The following TRIP11 variants were observed in gnomAD, a reference collection of about 807,000 sequenced individuals.
TRIP11 encodes the protein thyroid receptor-interacting protein 11.
A neutral mutation model predicts 223.1 loss-of-function variants in TRIP11; 148 were observed. The ratio of observed to expected loss-of-function variants is 0.66; its 90% confidence interval spans 0.58 to 0.76. TRIP11 has a LOEUF of 0.76. TRIP11 is among the 30% of genes least tolerant of loss of function. The pLI is 0.00. For missense variants in TRIP11, 2,043 were observed against 2,222.0 expected, an observed-to-expected ratio of 0.92 and a Z score of 1.62; for synonymous variants, 762 against 772.6, an observed-to-expected ratio of 0.99 and a Z score of 0.23.
At chr14:91,975,110 T>C (rs2056447557) in intron 18 of TRIP11, 62 bp downstream of exon 18, 2 of 1,413,528 alleles carry the variant, frequency 1.4e-6, no homozygotes, top group Non-Finnish European at 2.0e-6. Flanking sequence ...AAGGAAGTAA[T>C]TGTCTACAAA....
Position 92,039,533 on chromosome 14 carries a change from G to A in TRIP11, c.139+14C>T. 1.9e-6 allele frequency: 3 copies of A among 1,612,960 alleles called. No individual in the cohort carries two copies. The highest frequency in any genetic ancestry group is 2.5e-6 in the Non-Finnish European group (3 of 1,179,642). The stretch of plus-strand genomic sequence containing the variant: ...TCTTAGAAAAGCCCTCCCTTCCCTC[G>A]CTCCAGCTGTTACCTTCCACTTCCT... On this transcript the variant is annotated intron_variant, in intron 1 of 20. Coordinates refer to ENST00000267622, the MANE Select transcript of TRIP11 (RefSeq NM_004239.4).
intron 13 of TRIP11, among the ~76,000 whole-genome samples, 172 bp from the exon 14 acceptor site, chr14:91,995,687 C>T (rs1358519960): frequency 6.6e-6 from 1 of 151,448 alleles, no homozygotes; most frequent in Non-Finnish European, 1.5e-5. Flanking sequence ...ACAATCTCAG[C>T]TCACTGCAAC....
At chr14:91,974,428 A>G (rs912323032) in intron 19 of TRIP11, among the ~76,000 whole-genome samples, 199 bp downstream of exon 19, 2 of 152,246 alleles carry the variant, frequency 1.3e-5, no homozygotes, top group Non-Finnish European at 2.9e-5. Context: ...GAGTTAAAAT[A>G]AAACCTATAT....
chr14:92,024,928 T>G (rs942919283), intron 3 of TRIP11, among the ~76,000 whole-genome samples: 3 of 152,332 alleles, frequency 2.0e-5, no homozygotes, highest in African/African-American at 7.2e-5. Context: ...AGCAATTATA[T>G]GTAAATTATC....
chr14:92,006,335 T>C lies in TRIP11; in HGVS notation c.1641A>G (p.Glu547=). The change falls in exon 11 of 21, where the codon GAA becomes GAG. Residue 547 remains glutamate, a synonymous_variant. Coordinates refer to ENST00000267622, the MANE Select transcript of TRIP11 (RefSeq NM_004239.4). ...NDEKKRVHQL[E]DDKMDITKEL... ...CTTTAGTAATGTCCATTTTATCATC[T>C]TCAAGTTGATGAACTCTCTTTTTTT... 1 of 1,611,324 alleles carries C rather than the reference T, an allele frequency of 6.2e-7. No individual in the cohort carries two copies. The highest frequency in any genetic ancestry group is 8.5e-7 in the Non-Finnish European group (1 of 1,178,922).
chr14:92,026,470 C>T, intron 2 of TRIP11: 3 of 767,666 alleles, frequency 3.9e-6, no homozygotes, highest in South Asian at 1.4e-5. Context: ...CCTCGTCCGC[C>T]TCCTTGCTCG....
chr14:92,013,375 A>G (rs2056997280), intron 7 of TRIP11, among the ~76,000 whole-genome samples: 1 of 152,230 alleles, frequency 6.6e-6, no homozygotes, highest in Non-Finnish European at 1.5e-5. Flanking sequence ...CTAAAACTAC[A>G]AGGAAGATAC....
intron 4 of TRIP11, among the ~76,000 whole-genome samples, chr14:92,019,946 G>T (rs2057088534): frequency 6.6e-6 from 1 of 152,128 alleles, no homozygotes; most frequent in Admixed American, 6.5e-5. Flanking sequence ...CCATCCTCAA[G>T]ATATCTCATT....
rs10150088 is a variant in TRIP11 at position 92,037,232 on chromosome 14, T to C, written c.139+2315A>G. Among the ~76,000 whole-genome samples, 68,770 of 151,984 alleles carry C rather than the reference T, an allele frequency of 0.45. 16,962 individuals are homozygous for C. The highest frequency in any genetic ancestry group is 0.66 in the African/African-American group (27,281 of 41,440). ...TATAAGGAGCAAAAAAATTCAGTCC[T>C]CACGCTGGGCATCAGGAAAACAGAT... On this transcript the variant is annotated intron_variant, in intron 1 of 20. Transcript: ENST00000267622. This position sits in a 1 kb window ranked among gnomAD's most constrained non-coding sequence, Gnocchi z 4.2.
At chr14:92,033,084 A>C in intron 2 of TRIP11, 108 bp downstream of exon 2, 1 of 809,352 alleles carries the variant, frequency 1.2e-6, no homozygotes, top group Non-Finnish European at 2.1e-6. Context: ...ACAAGAAGAG[A>C]AAAAAAGTGC....
At chr14:92,021,942 AT>A in intron 3 of TRIP11, 111 bp from the exon 4 acceptor site, 1 of 1,184,106 alleles carries the variant, frequency 8.4e-7, no homozygotes, top group Non-Finnish European at 1.2e-6. Context: ...AGATTATCCA[AT>A]GATGGTCCTC....
intron 16 of TRIP11, among the ~76,000 whole-genome samples, chr14:91,981,149 G>A (rs1248305524): frequency 1.3e-5 from 2 of 149,244 alleles, no homozygotes; most frequent in African/African-American, 4.9e-5. Context: ...GCGAGTAGCT[G>A]GGATAACAAG....
At chr14:92,021,464 T>C (rs2057113680) in intron 4 of TRIP11, 92 bp downstream of exon 4, 1 of 1,284,914 alleles carries the variant, frequency 7.8e-7, no homozygotes, top group Non-Finnish European at 1.1e-6. Context: ...TCCAGGGTTC[T>C]TTCTGATATC....
chr14:92,023,210 G>A (rs1223680775), intron 3 of TRIP11, among the ~76,000 whole-genome samples: 2 of 152,150 alleles, frequency 1.3e-5, no homozygotes, highest in African/African-American at 4.8e-5. Context: ...TCAACTGTGA[G>A]GTAGGCATCA....
At chr14:91,977,580 T>C (rs1042716649) in intron 16 of TRIP11, among the ~76,000 whole-genome samples, 6 of 152,078 alleles carry the variant, frequency 3.9e-5, no homozygotes, top group Non-Finnish European at 8.8e-5. Context: ...ATTCCCACTG[T>C]AAGAATTCTG....
In TRIP11 at chr14:91,974,682, G is replaced by A. The variant is rs2056442109; in HGVS notation, c.5519C>T (p.Ser1840Leu). 6.2e-7 allele frequency: 1 copy of A among 1,612,502 alleles called. No individual in the cohort carries two copies. Among genetic ancestry groups the A allele is most frequent in the African/African-American group, 1.3e-5 (1 of 74,868 alleles). The part of the protein sequence containing the change: ...RWMTGWLGGG[S>L]KSVPNTPLRP... ...CAAAGGTGTGTTGGGAACACTTTTTGATCCTCCTCCAAGCCACCCAGTCAT... is the reference window on the plus strand; with the variant it reads ...CAAAGGTGTGTTGGGAACACTTTTTAATCCTCCTCCAAGCCACCCAGTCAT... The change falls in exon 19 of 21, where the codon TCA becomes TTA. Residue 1840 changes from serine to leucine, a missense_variant. Ser to Leu is a moderately radical substitution (Grantham distance 145). Coordinates refer to ENST00000267622, the MANE Select transcript of TRIP11 (RefSeq NM_004239.4).
At chr14:92,031,889 C>G (rs377622259) in intron 2 of TRIP11, among the ~76,000 whole-genome samples, 1 of 152,066 alleles carries the variant, frequency 6.6e-6, no homozygotes, top group South Asian at 2.1e-4. Flanking sequence ...CACAGCTCAC[C>G]GCAGCCTTGA....
chr14:92,009,554 G>A (rs1485071471), intron 9 of TRIP11, among the ~76,000 whole-genome samples: 1 of 151,982 alleles, frequency 6.6e-6, no homozygotes, highest in Non-Finnish European at 1.5e-5. Flanking sequence ...AATACAATGG[G>A]AGCAAAAACA....
chr14:92,039,494 G>A (rs1469228831), intron 1 of TRIP11, 53 bp downstream of exon 1: 20 of 1,598,620 alleles, frequency 1.3e-5, no homozygotes, highest in Non-Finnish European at 8.6e-7. Context: ...GGGACCAAAC[G>A]GACGTTCCCA....
Sources: allele counts gnomAD v4.1 joint callset (sites outside exome capture counted in the v4.1 genomes callset), GRCh38; gene constraint gnomAD v4.1.1; non-coding constraint Gnocchi (gnomAD v3.1); transcripts MANE v1.5; gene names NCBI Gene and HGNC (gene_info 2026-07-23, HGNC 2026-07-21).